Variants in NAV2 observed in about 807,000 individuals in gnomAD.
NAV2 encodes neuron navigator 2, also known as helicase, APC down-regulated 1.
A neutral mutation model predicts 223.2 loss-of-function variants in NAV2; 54 were observed. That is an observed-to-expected ratio of 0.24 (90% CI 0.19 to 0.30). NAV2 has a LOEUF of 0.30. Among genes scored for constraint, NAV2 ranks in the 10% least tolerant of loss-of-function variants. NAV2 has a pLI of 1.00. For synonymous variants in NAV2, 1,279 were observed against 1,239.3 expected (o/e 1.03, Z -0.67); for missense variants, 2,806 against 3,147.5 (o/e 0.89, Z 2.60).
At chr11:19,909,377 A>T (rs4757859) in intron 6 of NAV2, among the ~76,000 whole-genome samples, 24,864 of 152,136 alleles carry the variant, frequency 0.16, 2,335 homozygotes, top group East Asian at 0.4. Context: ...CACTCTGGCC[A>T]TTCCCTCTGG....
At chr11:19,997,064 G>A (rs1051309162) in intron 11 of NAV2, among the ~76,000 whole-genome samples, 7 of 152,168 alleles carry the variant, frequency 4.6e-5, no homozygotes, top group African/African-American at 1.2e-4. Flanking sequence ...CTCCCTGGCC[G>A]CTTATTTGAG....
chr11:19,366,444 C>T (rs942961684), intron 1 of NAV2, among the ~76,000 whole-genome samples: 3 of 151,886 alleles, frequency 2.0e-5, no homozygotes, highest in Admixed American at 1.3e-4. Context: ...CTGTAGCTTT[C>T]CTTGGGATGC....
chr11:19,580,194 G>A (rs1019278046), intron 1 of NAV2, among the ~76,000 whole-genome samples: 3 of 152,030 alleles, frequency 2.0e-5, no homozygotes, highest in Non-Finnish European at 2.9e-5. Context: ...CTGTACCCTC[G>A]GAGAGCCACA....
intron 1 of NAV2, among the ~76,000 whole-genome samples, chr11:19,596,302 C>G (rs1366732375): frequency 6.6e-6 from 1 of 152,212 alleles, no homozygotes; most frequent in Non-Finnish European, 1.5e-5. Flanking sequence ...TAGCACATTT[C>G]TTAAATCCTA....
intron 11 of NAV2, among the ~76,000 whole-genome samples, chr11:20,005,253 A>ATATATATATAT (rs1277010848): frequency 7.4e-6 from 1 of 134,554 alleles, no homozygotes; most frequent in African/African-American, 2.8e-5. Flanking sequence ...ATATATATAT[A>ATATATATATAT]TTTTTTTTTT....
chr11:19,612,403 C>G (rs559073882), intron 1 of NAV2, among the ~76,000 whole-genome samples: 1 of 152,314 alleles, frequency 6.6e-6, no homozygotes, highest in Middle Eastern at 3.4e-3. Flanking sequence ...TTTTTCTTTT[C>G]TATCACATAG....
At position 19,450,439 on chromosome 11, in the gene NAV2, G is replaced by A. The variant is rs559456541; in HGVS notation, c.75+99412G>A. Among the ~76,000 whole-genome samples the A allele has an allele frequency of 1.4e-4, 21 of 152,276 alleles. 1 individual carries two copies. Among genetic ancestry groups the A allele is most frequent in the African/African-American group, 2.4e-4 (10 of 41,548 alleles). On this transcript the variant is annotated intron_variant, in intron 1 of 37. Transcript: ENST00000360655. Reference sequence around the variant, plus strand: ...TGGCTAGGTCTATCCTTTTCTCACCGGAACCAGCCTAGGCAAATCACTGGT... The same window carrying A: ...TGGCTAGGTCTATCCTTTTCTCACCAGAACCAGCCTAGGCAAATCACTGGT...
At chr11:19,877,646 G>A (rs565474028) in intron 4 of NAV2, among the ~76,000 whole-genome samples, 1 of 151,702 alleles carries the variant, frequency 6.6e-6, no homozygotes, top group African/African-American at 2.4e-5. Flanking sequence ...CTAATTTTTT[G>A]TGTTTTTAGT....
At chr11:19,401,978 A>T (rs1370534582) in intron 1 of NAV2, 1 of 152,232 alleles carries the variant, frequency 6.6e-6, no homozygotes, top group Non-Finnish European at 1.5e-5. Flanking sequence ...GTATGGTCGT[A>T]GACATGCATG....
intron 1 of NAV2, among the ~76,000 whole-genome samples, chr11:19,377,807 C>T (rs1848693466): frequency 6.6e-6 from 1 of 152,198 alleles, no homozygotes; most frequent in Admixed American, 6.5e-5. Flanking sequence ...TTCTGCCATT[C>T]CATGAAAATT....
At chr11:19,918,537 G>C (rs569792325) in intron 6 of NAV2, among the ~76,000 whole-genome samples, 48 of 152,330 alleles carry the variant, frequency 3.2e-4, no homozygotes, top group Non-Finnish European at 5.9e-4. Context: ...GAGCAGAGAA[G>C]AACAACATTC....
At chr11:19,838,079 A>G (rs571153749) in intron 2 of NAV2, among the ~76,000 whole-genome samples, 1 of 152,324 alleles carries the variant, frequency 6.6e-6, no homozygotes, top group Non-Finnish European at 1.5e-5. Flanking sequence ...TGGATGATGT[A>G]TGGGGGAATT....
rs184178154 is a variant in NAV2, at chr11:20,063,564, G to A, written c.4884+1205G>A. ...ATTTTTTTACATTTTTAGTAGAGAC[G>A]GGATTTCACCATGTTGGCCAGGCTG... On this transcript the variant is annotated intron_variant, in intron 20 of 37. Transcript: ENST00000349880. Among the ~76,000 whole-genome samples the A allele has an allele frequency of 2.0e-4, 31 of 151,906 alleles. 1 individual carries two copies. The East Asian group carries it at 5.8e-3, about 29-fold the overall frequency.
intron 10 of NAV2, among the ~76,000 whole-genome samples, chr11:19,970,832 T>C (rs986914915): frequency 6.6e-6 from 1 of 152,224 alleles, no homozygotes; most frequent in Non-Finnish European, 1.5e-5. Flanking sequence ...GAGTCTTCAT[T>C]TTGCATCTGA....
intron 1 of NAV2, among the ~76,000 whole-genome samples, chr11:19,730,224 TG>T (rs1204413210): frequency 6.6e-6 from 1 of 152,164 alleles, no homozygotes; most frequent in African/African-American, 2.4e-5. Context: ...GGGTTCAGTG[TG>T]GGCAGAGTGC....
At chr11:20,038,316 C>T (rs555265630) in intron 12 of NAV2, among the ~76,000 whole-genome samples, 1 of 152,242 alleles carries the variant, frequency 6.6e-6, no homozygotes, top group Admixed American at 6.5e-5. Flanking sequence ...AAATGGTTTA[C>T]TACTCATTGG....
At chr11:19,813,188 A>G (rs1196361916) in intron 1 of NAV2, among the ~76,000 whole-genome samples, 1 of 151,972 alleles carries the variant, frequency 6.6e-6, no homozygotes. Context: ...TTTCTTTTCA[A>G]CAGAGTCAAG....
In NAV2 at chr11:19,946,342, C is replaced by G. The variant is rs1265164916; in HGVS notation, c.2147-59C>G. ...TTATGGTCATAGACATGGATGCTGC[C>G]CTTATGAAGCTCATGGTTGGTCAGA... On this transcript the variant is annotated intron_variant, in intron 8 of 37. Transcript: ENST00000349880. The G allele has an allele frequency of 2.0e-6, 3 of 1,465,684 alleles. No individual in the cohort carries two copies. In the East Asian group the frequency reaches 7.2e-5, roughly 35 times the overall value. The allele number at this position is 1,465,684 out of a possible 1,614,324, so 90.8% of individuals were successfully genotyped here.
chr11:19,672,427 A>T (rs929528750), intron 1 of NAV2, among the ~76,000 whole-genome samples: 13 of 152,128 alleles, frequency 8.5e-5, no homozygotes, highest in African/African-American at 3.1e-4. Context: ...CTTGGGTTCT[A>T]TTCCTGGCTC....
Sources: gnomAD v4.1 joint callset for allele counts (sites outside exome capture counted in the v4.1 genomes callset) on GRCh38, gnomAD v4.1.1 for gene constraint, MANE v1.5 for transcripts, NCBI Gene and HGNC (gene_info 2026-07-23, HGNC 2026-07-21) for gene names.